Variants in PLSCR1 observed in about 807,000 individuals in gnomAD.
The protein encoded by PLSCR1 is PL scramblase 1.
PLSCR1 carries 17 observed loss-of-function variants against 37.8 expected under a neutral mutation model. That is an observed-to-expected ratio of 0.45 (90% CI 0.31 to 0.68). The LOEUF is 0.68. Ranked by LOEUF, PLSCR1 falls within the 30% of genes least tolerant of loss-of-function variation. The pLI is 0.06. For missense variants in PLSCR1, 347 were observed against 380.9 expected, an observed-to-expected ratio of 0.91 and a Z score of 0.74; for synonymous variants, 116 against 125.9, an observed-to-expected ratio of 0.92 and a Z score of 0.53.
rs767819241 is a variant in PLSCR1 at position 146,517,148 on chromosome 3, T to C, written c.758A>G (p.Gln253Arg). ...CTTGGAAATTTTGCCAACCACACAC[T>C]GTTCATCAAGAGATTTAATCTAAAT... ...VDFEIKSLDE[Q>R]CVVGKISKHW... Residue 253 changes from glutamine to arginine, a missense_variant, in exon 8 of 9, where the codon CAG becomes CGG. Coordinates refer to ENST00000342435, the MANE Select transcript of PLSCR1 (RefSeq NM_021105.3). The C allele has an allele frequency of 1.9e-6, 3 of 1,552,412 alleles. No homozygotes were observed. In the East Asian group the frequency reaches 7.0e-5, roughly 36 times the overall value.
intron 2 of PLSCR1, among the ~76,000 whole-genome samples, chr3:146,535,545 C>T (rs1289299988): frequency 6.6e-6 from 1 of 152,078 alleles, no homozygotes; most frequent in Non-Finnish European, 1.5e-5. Flanking sequence ...TACATATTTA[C>T]ACATTTATTC....
At chr3:146,521,462 TA>T in intron 7 of PLSCR1, 81 bp downstream of exon 7, 1 of 1,159,550 alleles carries the variant, frequency 8.6e-7, no homozygotes, top group Admixed American at 2.1e-5. Context: ...AACACTTATT[TA>T]ATGCATTTAT....
At chr3:146,526,447 T>C (rs1202422936) in intron 4 of PLSCR1, among the ~76,000 whole-genome samples, 3 of 152,040 alleles carry the variant, frequency 2.0e-5, no homozygotes, top group Non-Finnish European at 2.9e-5. Flanking sequence ...AGTGTAGCGG[T>C]TCCTCAAAAA....
At chr3:146,535,536 A>T (rs2044255117) in intron 2 of PLSCR1, among the ~76,000 whole-genome samples, 1 of 152,220 alleles carries the variant, frequency 6.6e-6, no homozygotes, top group Non-Finnish European at 1.5e-5. Context: ...ATGTATATAT[A>T]CATATTTACA....
intron 7 of PLSCR1, among the ~76,000 whole-genome samples, chr3:146,521,037 GGA>G (rs2044011542): frequency 6.6e-6 from 1 of 151,920 alleles, no homozygotes; most frequent in South Asian, 2.1e-4. Flanking sequence ...ATAGGGAAAA[GGA>G]GAGACCACAG....
At chr3:146,528,994 T>A (rs536718307) in intron 3 of PLSCR1, among the ~76,000 whole-genome samples, 163 bp from the exon 4 acceptor site, 24 of 152,376 alleles carry the variant, frequency 1.6e-4, no homozygotes, top group African/African-American at 5.5e-4. Flanking sequence ...CAATGAAATA[T>A]CTGTGGTTGC....
chr3:146,520,986 C>T (rs1252334273), intron 7 of PLSCR1, among the ~76,000 whole-genome samples: 1 of 151,992 alleles, frequency 6.6e-6, no homozygotes, highest in Admixed American at 6.6e-5. Context: ...AGTAAATATA[C>T]AAATATTAAT....
intron 3 of PLSCR1, among the ~76,000 whole-genome samples, chr3:146,531,561 C>A (rs1263491884): frequency 6.6e-6 from 1 of 152,136 alleles, no homozygotes; most frequent in African/African-American, 2.4e-5. Context: ...GATTACTCCT[C>A]AAATCAATGA....
rs114162476 is a variant in PLSCR1 at position 146,538,990 on chromosome 3, A to G, written c.-13-2425T>C. Among the ~76,000 whole-genome samples the G allele has an allele frequency of 1.0e-2, 1,517 of 152,304 alleles. 18 individuals carry two copies. The highest frequency in any genetic ancestry group is 0.035 in the African/African-American group (1,455 of 41,548). On this transcript the variant is annotated intron_variant, in intron 1 of 8. Transcript: ENST00000342435. ...ACCAGGGACCGGTTTTGTGGAAGAC[A>G]TGGACCAGTGAAGCAGGGGATGGTT...
rs1231144316 is a variant in PLSCR1 at position 146,528,829 on chromosome 3, G to A, written c.97C>T (p.Pro33Ser). 1 of 1,608,590 alleles carries A rather than the reference G, an allele frequency of 6.2e-7. No individual in the cohort carries two copies. Among genetic ancestry groups the A allele is most frequent in the Non-Finnish European group, 8.5e-7 (1 of 1,177,034 alleles). The change falls in exon 4 of 9, where the codon CCT becomes TCT. Residue 33 changes from proline to serine, a missense_variant and splice_region_variant. By Grantham distance (74) the Pro-to-Ser change is moderately conservative. Coordinates refer to ENST00000342435, the MANE Select transcript of PLSCR1 (RefSeq NM_021105.3). ...PQYPPTAFQG[P>S]PGYSGYPGPQ... ...CCAGGGTAGCCACTATATCCTGGAG[G>A]TCCTGAAATACAAACAAGTGAAATG...
At chr3:146,517,301 G>C (rs1384461704) in intron 7 of PLSCR1, 134 bp from the exon 8 acceptor site, 1 of 435,734 alleles carries the variant, frequency 2.3e-6, no homozygotes, top group Non-Finnish European at 4.0e-6. Context: ...ATAACTGGAG[G>C]CTCCTGTATC....
intron 8 of PLSCR1, chr3:146,516,365 T>TA: frequency 6.5e-6 from 2 of 305,728 alleles, no homozygotes; most frequent in Non-Finnish European, 1.2e-5. Context: ...CTCTAAATGT[T>TA]ACTTTTTCTC....
chr3:146,518,567 T>C (rs2043976748), intron 7 of PLSCR1, among the ~76,000 whole-genome samples: 5 of 152,174 alleles, frequency 3.3e-5, no homozygotes, highest in Admixed American at 3.3e-4. Flanking sequence ...ATGAAAACTC[T>C]TATGTTTTAT....
intron 8 of PLSCR1, chr3:146,516,799 A>G: frequency 2.4e-6 from 1 of 422,080 alleles, no homozygotes; most frequent in Non-Finnish European, 4.2e-6. Context: ...CCATGTGAAT[A>G]TTCATAGACT....
intron 1 of PLSCR1, among the ~76,000 whole-genome samples, chr3:146,539,747 A>G (rs1160235144): frequency 6.6e-6 from 1 of 152,244 alleles, no homozygotes; most frequent in Non-Finnish European, 1.5e-5. Flanking sequence ...TGCAGTATAA[A>G]ATCTGGGTCT....
chr3:146,522,077 A>G (rs781613370), intron 5 of PLSCR1, 24 bp from the exon 6 acceptor site: 15 of 1,225,498 alleles, frequency 1.2e-5, no homozygotes, highest in Non-Finnish European at 1.7e-5. Flanking sequence ...AGACGAAATC[A>G]TAATCACCTC....
At chr3:146,538,052 A>G (rs1354165956) in intron 1 of PLSCR1, 4 of 152,226 alleles carry the variant, frequency 2.6e-5, no homozygotes, top group Middle Eastern at 3.2e-3. Flanking sequence ...GTCCTGAAAT[A>G]AATCAAAAGA....
chr3:146,519,845 T>C (rs944454140), intron 7 of PLSCR1, among the ~76,000 whole-genome samples: 3 of 152,154 alleles, frequency 2.0e-5, no homozygotes, highest in Non-Finnish European at 2.9e-5. Context: ...AATATCAGAA[T>C]AATAACACAT....
Position 146,515,863 on chromosome 3 carries a change from G to T in PLSCR1, c.*182C>A, listed in dbSNP as rs1221462959. 1 of 429,460 alleles carries T rather than the reference G, an allele frequency of 2.3e-6. No individual in the cohort carries two copies. The highest frequency in any genetic ancestry group is 5.9e-5 in the South Asian group (1 of 16,912). The allele number at this position is 429,460 out of a possible 1,614,324, so 26.6% of individuals were successfully genotyped here. On this transcript the variant is annotated 3_prime_UTR_variant, in exon 9 of 9. Transcript: ENST00000342435. ...GTCCTTTTTCTCAAATTGACAATGAGTATTAAAAAATGTACAAAAACCTTT... is the reference window on the plus strand; with the variant it reads ...GTCCTTTTTCTCAAATTGACAATGATTATTAAAAAATGTACAAAAACCTTT...
Sources: allele counts gnomAD v4.1 joint callset (sites outside exome capture counted in the v4.1 genomes callset), GRCh38; gene constraint gnomAD v4.1.1; transcripts MANE v1.5; gene names NCBI Gene and HGNC (gene_info 2026-07-23, HGNC 2026-07-21).